The following NCAM1 variants were observed in gnomAD, a reference collection of about 807,000 sequenced individuals.
NCAM1 encodes neural cell adhesion molecule 1, also known as antigen recognized by monoclonal antibody 5.1H11.
NCAM1 carries 14 observed loss-of-function variants against 109.8 expected under a neutral mutation model. The ratio of observed to expected loss-of-function variants is 0.13; its 90% CI spans 0.08 to 0.20. The LOEUF is 0.20. Ranked by LOEUF, NCAM1 falls within the 10% of genes least tolerant of loss-of-function variation. NCAM1 has a pLI of 1.00. For synonymous variants in NCAM1, 418 were observed against 442.9 expected, an observed-to-expected ratio of 0.94 and a Z score of 0.70; for missense variants, 774 against 1,109.9, an observed-to-expected ratio of 0.70 and a Z score of 4.30.
At chr11:113,041,373 G>C (rs1020410343) in intron 1 of NCAM1, among the ~76,000 whole-genome samples, 3 of 151,962 alleles carry the variant, frequency 2.0e-5, no homozygotes, top group Admixed American at 6.6e-5. Context: ...TAGCATGCTG[G>C]TATATAGTCT....
Position 113,233,148 on chromosome 11 carries a change from C to T in NCAM1, c.1524C>T (p.Asp508=), listed in dbSNP as rs1390162555. The T allele has an allele frequency of 1.2e-6, 2 of 1,612,122 alleles. No individual in the cohort carries two copies. The highest frequency in any genetic ancestry group is 4.5e-5 in the East Asian group (2 of 44,872). Residue 508 remains aspartate (D), a splice_region_variant and synonymous_variant, in exon 13 of 20, where the codon GAC becomes GAT. Coordinates refer to ENST00000316851, the MANE Select transcript of NCAM1 (RefSeq NM_181351.5). This position sits in a 1 kb window ranked among gnomAD's most constrained non-coding sequence, Gnocchi z 4.5. Reference sequence around the variant, plus strand: ...TCTCCATATGTGTCTTCCCCACAGACACCCCCTCTTCACCATCCATCGACC... The same window carrying T: ...TCTCCATATGTGTCTTCCCCACAGATACCCCCTCTTCACCATCCATCGACC... ...ESLEFILVQA[D]TPSSPSIDQV...
intron 1 of NCAM1, among the ~76,000 whole-genome samples, chr11:113,177,958 C>T (rs1943220186): frequency 1.3e-5 from 2 of 152,070 alleles, no homozygotes; most frequent in Non-Finnish European, 2.9e-5. Context: ...GAGGGATTCA[C>T]TAGAGGAGAG....
chr11:112,978,245 T>TA (rs199587145), intron 1 of NCAM1, among the ~76,000 whole-genome samples: 46,168 of 151,646 alleles, frequency 0.3, 8,052 homozygotes, highest in East Asian at 0.67. Flanking sequence ...AAAATCTAAA[T>TA]TGGTGTTTAG....
At position 113,114,466 on chromosome 11, in the gene NCAM1, G is replaced by A. The variant is rs576032775; in HGVS notation, c.53-87913G>A. ...TTAAGCAGCAGGAAAAGAAAGGTCT[G>A]TTTTGGCTTTATCTAGCCATGTCAC... On this transcript the variant is annotated intron_variant, in intron 1 of 19. Coordinates refer to ENST00000316851, the MANE Select transcript of NCAM1 (RefSeq NM_181351.5). 2.0e-5 allele frequency among the ~76,000 whole-genome samples: 3 copies of A among 152,344 alleles called. No homozygotes were observed. In the East Asian group the frequency reaches 5.8e-4, roughly 29 times the overall value.
chr11:113,054,318 C>T lies in NCAM1; in HGVS notation c.52+92654C>T, dbSNP rs570521404. The stretch of plus-strand genomic sequence containing the variant: ...AAAATTCCTGTACTTAATTGGAGTC[C>T]GGTGTCAGCCAGTATAGTGCCAGGG... On this transcript the variant is annotated intron_variant, in intron 1 of 19. Coordinates refer to ENST00000316851, the MANE Select transcript of NCAM1 (RefSeq NM_181351.5). 4.6e-5 allele frequency among the ~76,000 whole-genome samples: 7 copies of T among 152,180 alleles called. No homozygotes were observed. The South Asian group carries it at 6.2e-4, about 14-fold the overall frequency.
chr11:113,251,924 G>C (rs1489433659), intron 15 of NCAM1, among the ~76,000 whole-genome samples: 1 of 152,168 alleles, frequency 6.6e-6, no homozygotes, highest in African/African-American at 2.4e-5. Context: ...ATCAGGCTTT[G>C]TGTAGAAAGC....
intron 1 of NCAM1, among the ~76,000 whole-genome samples, chr11:113,066,762 AG>A (rs1937977801): frequency 6.6e-6 from 1 of 152,084 alleles, no homozygotes; most frequent in South Asian, 2.1e-4. Context: ...GCACTTTGGG[AG>A]GCCGAGGCGG....
chr11:113,077,860 T>C (rs568536743), intron 1 of NCAM1, among the ~76,000 whole-genome samples: 19 of 152,064 alleles, frequency 1.2e-4, no homozygotes, highest in South Asian at 4.2e-4. Flanking sequence ...CTAATTTTTG[T>C]ATTTTTAGTA....
intron 1 of NCAM1, among the ~76,000 whole-genome samples, chr11:113,043,565 G>A (rs1953152996): frequency 6.6e-6 from 1 of 152,152 alleles, no homozygotes; most frequent in Admixed American, 6.5e-5. Context: ...TCGAACTCCT[G>A]ACCTAGGTGA....
At chr11:113,146,768 G>C (rs1942033099) in intron 1 of NCAM1, among the ~76,000 whole-genome samples, 1 of 152,108 alleles carries the variant, frequency 6.6e-6, no homozygotes. Context: ...TGGGATAGAG[G>C]GAAGCCAAGG....
chr11:113,224,799 C>T (rs948144403), intron 9 of NCAM1, among the ~76,000 whole-genome samples: 11 of 152,304 alleles, frequency 7.2e-5, no homozygotes, highest in African/African-American at 9.6e-5. Flanking sequence ...CTGCAGCCTC[C>T]GCTGCTGATA....
At chr11:113,064,815 AT>A (rs531844278) in intron 1 of NCAM1, among the ~76,000 whole-genome samples, 36 of 151,872 alleles carry the variant, frequency 2.4e-4, no homozygotes, top group Non-Finnish European at 2.7e-4. Context: ...AAAGGTGTTA[AT>A]TTTTTTTTCT....
At chr11:113,211,820 TG>T (rs1318778568) in intron 7 of NCAM1, among the ~76,000 whole-genome samples, 1 of 152,184 alleles carries the variant, frequency 6.6e-6, no homozygotes, top group Non-Finnish European at 1.5e-5. Flanking sequence ...GAGCATGGAC[TG>T]GAGTTGGAGT....
rs782770704 is a variant in NCAM1, at chr11:113,169,060, GTGTGTGTGTGTC to G, written c.53-33307_53-33296del. On this transcript the variant is annotated intron_variant, in intron 1 of 19. Transcript: ENST00000316851. Reference sequence around the variant, plus strand: ...TCTGTGTGTGTGTGTGTGTGTGTGTGTGTGTGTGTGTCTGTGTGTGTGTGTCTTTGTTTTTTG... The same window carrying G: ...TCTGTGTGTGTGTGTGTGTGTGTGTGTGTGTGTGTGTGTCTTTGTTTTTTG... Among the ~76,000 whole-genome samples the G allele has an allele frequency of 4.3e-3, 641 of 150,000 alleles. 3 individuals are homozygous for G. The highest frequency in any genetic ancestry group is 0.025 in the South Asian group (114 of 4,596).
intron 1 of NCAM1, among the ~76,000 whole-genome samples, chr11:113,194,739 A>C (rs117048149): frequency 1.4e-4 from 21 of 152,266 alleles, no homozygotes; most frequent in African/African-American, 3.1e-4. Flanking sequence ...GCCAGAAAAG[A>C]CTGCAGCTTT....
intron 2 of NCAM1, 52 bp from the exon 3 acceptor site, chr11:113,204,234 C>G (rs953635270): frequency 6.2e-5 from 90 of 1,459,006 alleles, no homozygotes; most frequent in Non-Finnish European, 4.4e-5. Context: ...CTGGAGGGGA[C>G]TTATTAGTCT....
intron 1 of NCAM1, among the ~76,000 whole-genome samples, chr11:112,974,283 G>A (rs1950951894): frequency 1.3e-5 from 2 of 151,866 alleles, no homozygotes; most frequent in Non-Finnish European, 1.5e-5. Flanking sequence ...GTCTCTTTTT[G>A]TCTGAATTCC....
chr11:113,139,638 C>T (rs920791638), intron 1 of NCAM1, among the ~76,000 whole-genome samples: 14 of 151,828 alleles, frequency 9.2e-5, no homozygotes, highest in Non-Finnish European at 1.6e-4. Flanking sequence ...ATTTGGTATA[C>T]TACATTTGTT....
At chr11:113,147,226 C>T (rs1320747532) in intron 1 of NCAM1, among the ~76,000 whole-genome samples, 22 of 152,204 alleles carry the variant, frequency 1.4e-4, no homozygotes, top group Admixed American at 1.4e-3. Flanking sequence ...TTACTAAAGA[C>T]GATGCCAGCT....
Sources: allele counts gnomAD v4.1 joint callset (sites outside exome capture counted in the v4.1 genomes callset), GRCh38; gene constraint gnomAD v4.1.1; non-coding constraint Gnocchi (gnomAD v3.1); transcripts MANE v1.5; gene names NCBI Gene and HGNC (gene_info 2026-07-23, HGNC 2026-07-21).